Variants in GRIK1 observed in about 807,000 individuals in gnomAD.
GRIK1 encodes glutamate ionotropic receptor kainate type subunit 1.
Under a neutral mutation model 105.7 loss-of-function variants are expected in GRIK1, and 69 were observed. That is an observed-to-expected ratio of 0.65 (90% CI 0.54 to 0.80). GRIK1 has a LOEUF of 0.80. Among genes scored for constraint, GRIK1 ranks in the 30% least tolerant of loss-of-function variants. The probability of loss-of-function intolerance (pLI) is 0.00; values close to 1 mark genes in which losing one functional copy is unlikely to be tolerated. For missense variants in GRIK1, 1,109 were observed against 1,167.3 expected, an observed-to-expected ratio of 0.95 and a Z score of 0.73; for synonymous variants, 438 against 431.3, an observed-to-expected ratio of 1.02 and a Z score of -0.19.
intron 14 of GRIK1, among the ~76,000 whole-genome samples, chr21:29,574,038 G>A (rs17369783): frequency 0.054 from 8,190 of 152,158 alleles, 376 homozygotes; most frequent in African/African-American, 0.12. Context: ...TTTCATGTAC[G>A]AAATTATTTA....
intron 14 of GRIK1, among the ~76,000 whole-genome samples, chr21:29,568,910 G>T (rs771616625): frequency 1.3e-5 from 2 of 152,200 alleles, no homozygotes; most frequent in Non-Finnish European, 2.9e-5. Context: ...GAATTAAACT[G>T]AATTAAACTG....
chr21:29,743,702 A>G (rs982945794), intron 1 of GRIK1, among the ~76,000 whole-genome samples: 2 of 152,052 alleles, frequency 1.3e-5, no homozygotes, highest in Non-Finnish European at 2.9e-5. Flanking sequence ...CTCAGAAAAA[A>G]ATATATATAT....
chr21:29,804,921 T>G (rs145584423), intron 1 of GRIK1, among the ~76,000 whole-genome samples: 2 of 152,284 alleles, frequency 1.3e-5, no homozygotes, highest in East Asian at 3.9e-4. Flanking sequence ...TCAACTATTA[T>G]TATCCCCATT....
At chr21:29,828,459 G>A (rs577554486) in intron 1 of GRIK1, among the ~76,000 whole-genome samples, 1 of 25,832 alleles carries the variant, frequency 3.9e-5, no homozygotes, top group Admixed American at 6.7e-4. Context: ...TAAAATGCAG[G>A]AATGGTGAAA....
intron 4 of GRIK1, among the ~76,000 whole-genome samples, chr21:29,668,019 C>A (rs780143737): frequency 6.6e-6 from 1 of 152,148 alleles, no homozygotes; most frequent in Non-Finnish European, 1.5e-5. Context: ...GAGAGTATAG[C>A]AGACTCAGTG....
At chr21:29,760,929 A>G (rs76739530) in intron 1 of GRIK1, among the ~76,000 whole-genome samples, 16,096 of 152,216 alleles carry the variant, frequency 0.11, 956 homozygotes, top group Middle Eastern at 0.14. Context: ...CAGATTCCAA[A>G]GGATTATGTT....
Position 29,709,062 on chromosome 21 carries a change from T to A in GRIK1, c.119-14999A>T, listed in dbSNP as rs973403253. On this transcript the variant is annotated intron_variant, in intron 1 of 17. Transcript: ENST00000327783. The stretch of plus-strand genomic sequence containing the variant: ...TGTATACCACATGCTGTTTATAATT[T>A]TATATATATGCATACACCTACACAC... Among the ~76,000 whole-genome samples the A allele has an allele frequency of 2.6e-5, 4 of 152,074 alleles. No homozygotes were observed. In the East Asian group the frequency reaches 7.7e-4, roughly 29 times the overall value.
chr21:29,606,435 C>G (rs1038071630), intron 7 of GRIK1, among the ~76,000 whole-genome samples: 3 of 152,066 alleles, frequency 2.0e-5, no homozygotes, highest in African/African-American at 7.2e-5. Flanking sequence ...GCTTTGACTT[C>G]CCTGGTGGCC....
chr21:29,781,144 A>G (rs146633863), intron 1 of GRIK1, among the ~76,000 whole-genome samples: 508 of 152,332 alleles, frequency 3.3e-3, no homozygotes, highest in African/African-American at 0.011. Context: ...ACATGCACAC[A>G]CGTATACACA....
intron 7 of GRIK1, among the ~76,000 whole-genome samples, chr21:29,615,097 G>A (rs2061817989): frequency 6.6e-6 from 1 of 151,706 alleles, no homozygotes; most frequent in Middle Eastern, 3.4e-3. Context: ...CCTCTCCGAA[G>A]CTGTTCCGAA....
chr21:29,925,989 C>G (rs554638367), intron 1 of GRIK1, among the ~76,000 whole-genome samples: 16 of 152,078 alleles, frequency 1.1e-4, no homozygotes, highest in Admixed American at 4.6e-4. Flanking sequence ...ATATACCACT[C>G]GTTTGTAAAT....
intron 1 of GRIK1, among the ~76,000 whole-genome samples, chr21:29,922,966 C>A (rs986791318): frequency 1.1e-4 from 17 of 152,056 alleles, no homozygotes; most frequent in African/African-American, 4.1e-4. Flanking sequence ...AAGCAATCAC[C>A]CTTCTTCTTT....
At chr21:29,553,996 A>T (rs2090186348) in intron 16 of GRIK1, among the ~76,000 whole-genome samples, 1 of 152,138 alleles carries the variant, frequency 6.6e-6, no homozygotes, top group Non-Finnish European at 1.5e-5. Flanking sequence ...TTGCCTTGTA[A>T]TTCTGGGGAA....
At chr21:29,800,283 G>T (rs2066668472) in intron 1 of GRIK1, among the ~76,000 whole-genome samples, 1 of 152,140 alleles carries the variant, frequency 6.6e-6, no homozygotes, top group African/African-American at 2.4e-5. Context: ...ATGTGTCAGG[G>T]CTTATCTCTG....
At chr21:29,832,517 T>A (rs1352556284) in intron 1 of GRIK1, among the ~76,000 whole-genome samples, 1 of 152,198 alleles carries the variant, frequency 6.6e-6, no homozygotes, top group Non-Finnish European at 1.5e-5. Context: ...ACTCTTGCCC[T>A]CTGCACAGCC....
intron 1 of GRIK1, among the ~76,000 whole-genome samples, chr21:29,924,652 C>G (rs2071298973): frequency 1.3e-5 from 2 of 152,092 alleles, no homozygotes; most frequent in Admixed American, 6.6e-5. Flanking sequence ...TTTATTCTCC[C>G]CCGACCTTTT....
Position 29,762,487 on chromosome 21 carries a change from A to C in GRIK1, c.119-68424T>G, listed in dbSNP as rs77162520. ...TACAACTTATTCATCCTAGTCTTCA[A>C]TTATTACAGCTATTTAAGTGATAAT... is the stretch of plus-strand genomic sequence containing the variant. On this transcript the variant is annotated intron_variant, in intron 1 of 17. Coordinates refer to ENST00000327783, the MANE Select transcript of GRIK1 (RefSeq NM_001330994.2). 1.2e-3 allele frequency among the ~76,000 whole-genome samples: 188 copies of C among 152,356 alleles called. 5 individuals are homozygous for C. In the East Asian group the frequency reaches 0.029, roughly 24 times the overall value.
At chr21:29,923,963 C>T (rs1479598574) in intron 1 of GRIK1, among the ~76,000 whole-genome samples, 3 of 151,994 alleles carry the variant, frequency 2.0e-5, no homozygotes, top group Non-Finnish European at 4.4e-5. Context: ...AAGCAAGTAC[C>T]AAATACAAAA....
intron 3 of GRIK1, among the ~76,000 whole-genome samples, chr21:29,679,913 A>G (rs2063339405): frequency 6.6e-6 from 1 of 152,222 alleles, no homozygotes; most frequent in South Asian, 2.1e-4. Context: ...CTTGTGTCTA[A>G]GGAATACAAA....
Sources: allele counts gnomAD v4.1 joint callset (sites outside exome capture counted in the v4.1 genomes callset), GRCh38; gene constraint gnomAD v4.1.1; transcripts MANE v1.5; gene names NCBI Gene and HGNC (gene_info 2026-07-23, HGNC 2026-07-21).